DGKB: variants seen among roughly 807,000 people sequenced by gnomAD.
DGKB encodes diacylglycerol kinase beta, also known as 90 kDa diacylglycerol kinase.
A neutral mutation model predicts 114.3 loss-of-function variants in DGKB; 67 were observed. The ratio of observed to expected loss-of-function variants is 0.59; its 90% CI spans 0.48 to 0.72. DGKB has a LOEUF of 0.72. DGKB is among the 30% of genes least tolerant of loss of function. The pLI is 0.00. For missense variants in DGKB, 907 were observed against 975.2 expected, an observed-to-expected ratio of 0.93 and a Z score of 0.93; for synonymous variants, 398 against 323.1, an observed-to-expected ratio of 1.23 and a Z score of -2.49.
chr7:14,725,409 T>C (rs916166760), intron 5 of DGKB, among the ~76,000 whole-genome samples: 1 of 152,142 alleles, frequency 6.6e-6, no homozygotes, highest in African/African-American at 2.4e-5. Context: ...GGGACAAAAA[T>C]AATTAAACCA....
At chr7:14,250,477 T>C (rs1168056638) in intron 23 of DGKB, among the ~76,000 whole-genome samples, 4 of 152,220 alleles carry the variant, frequency 2.6e-5, no homozygotes, top group African/African-American at 9.6e-5. Flanking sequence ...CTTCCTGTTA[T>C]TGACTTCTAG....
intron 1 of DGKB, among the ~76,000 whole-genome samples, chr7:14,965,364 A>G (rs1319577968): frequency 6.6e-6 from 1 of 152,040 alleles, no homozygotes; most frequent in African/African-American, 2.4e-5. Flanking sequence ...CGAGGAGGGG[A>G]ATAGTTTTTA....
chr7:14,790,893 T>C (rs949568550), intron 2 of DGKB, among the ~76,000 whole-genome samples: 1 of 152,228 alleles, frequency 6.6e-6, no homozygotes, highest in Non-Finnish European at 1.5e-5. Context: ...TATATTATTT[T>C]AGGGAGAACT....
At chr7:14,225,086 T>C (rs984312504) in intron 23 of DGKB, among the ~76,000 whole-genome samples, 1 of 151,996 alleles carries the variant, frequency 6.6e-6, no homozygotes, top group African/African-American at 2.4e-5. Context: ...CTCCCCCCAA[T>C]TGCCTTTCAT....
chr7:14,593,549 T>C (rs1389917528), intron 17 of DGKB, among the ~76,000 whole-genome samples: 2 of 151,980 alleles, frequency 1.3e-5, no homozygotes, highest in African/African-American at 4.8e-5. Context: ...ATATTTATAA[T>C]TTTATTAGTA....
intron 23 of DGKB, among the ~76,000 whole-genome samples, chr7:14,285,874 T>A (rs1244008668): frequency 6.6e-6 from 1 of 152,104 alleles, no homozygotes; most frequent in African/African-American, 2.4e-5. Flanking sequence ...TAGGTTCAAA[T>A]ACTTAAATAT....
intron 20 of DGKB, among the ~76,000 whole-genome samples, chr7:14,529,651 A>C (rs1471588619): frequency 6.6e-6 from 1 of 151,800 alleles, no homozygotes; most frequent in Non-Finnish European, 1.5e-5. Flanking sequence ...CATCTAAAGA[A>C]ATGATAATGC....
intron 21 of DGKB, among the ~76,000 whole-genome samples, chr7:14,430,362 A>G (rs990282019): frequency 3.3e-5 from 5 of 152,196 alleles, no homozygotes; most frequent in African/African-American, 1.2e-4. Flanking sequence ...CATATCATTA[A>G]AATATTTCAC....
chr7:14,962,636 T>TTTGTGTGTG (rs1786920345), intron 1 of DGKB, among the ~76,000 whole-genome samples: 3 of 141,940 alleles, frequency 2.1e-5, no homozygotes, highest in African/African-American at 7.6e-5. Flanking sequence ...GTGTGTGTGT[T>TTTGTGTGTG]TGTGTGTGTG....
chr7:14,184,361 T>C (rs916672194), intron 23 of DGKB, among the ~76,000 whole-genome samples: 17 of 152,144 alleles, frequency 1.1e-4, no homozygotes, highest in African/African-American at 4.1e-4. Context: ...CCAAGACCTT[T>C]TCTTTCGCAG....
intron 23 of DGKB, among the ~76,000 whole-genome samples, chr7:14,302,334 CAT>C (rs775313620): frequency 1.3e-5 from 2 of 152,038 alleles, no homozygotes; most frequent in African/African-American, 2.4e-5. Flanking sequence ...GATGTGTACA[CAT>C]ATGATCACTT....
At chr7:14,823,111 G>A (rs1845178904) in intron 2 of DGKB, among the ~76,000 whole-genome samples, 2 of 151,670 alleles carry the variant, frequency 1.3e-5, no homozygotes, top group African/African-American at 4.8e-5. Context: ...ATCTTTGTAT[G>A]TTAAAAGAAA....
intron 1 of DGKB, among the ~76,000 whole-genome samples, chr7:14,943,556 T>C (rs191285840): frequency 3.9e-5 from 6 of 151,984 alleles, no homozygotes; most frequent in Non-Finnish European, 7.4e-5. Context: ...GGTTTTTAGA[T>C]GTTTTGATAA....
chr7:14,158,306 C>A (rs765615767), intron 25 of DGKB, among the ~76,000 whole-genome samples: 1 of 152,178 alleles, frequency 6.6e-6, no homozygotes, highest in Non-Finnish European at 1.5e-5. Context: ...CATATTATGG[C>A]CATCTGCCTT....
intron 9 of DGKB, among the ~76,000 whole-genome samples, chr7:14,691,954 A>G (rs6964476): frequency 6.6e-6 from 1 of 151,956 alleles, no homozygotes. Context: ...ACTATTAAAA[A>G]GTAAATTATG....
Position 14,613,400 on chromosome 7 carries a change from G to A in DGKB, c.1298C>T (p.Pro433Leu). Residue 433 changes from proline (P) to leucine (L), a missense_variant, in exon 16 of 26, where the codon CCT (proline) becomes CTT (leucine). Pro to Leu is a moderately conservative substitution (Grantham distance 98). Coordinates refer to ENST00000402815, the MANE Select transcript of DGKB (RefSeq NM_001350709.2). Reference protein sequence around the residue: ...DGQGLQVTPVPGTHPLLVFVN... With the variant: ...DGQGLQVTPVLGTHPLLVFVN... ...AAAAACTAAAAGTGGGTGAGTACCA[G>A]GCACAGGAGTGACCTATAAGAAAAG... The A allele has an allele frequency of 1.3e-6, 2 of 1,562,612 alleles. No homozygotes were observed. The highest frequency in any genetic ancestry group is 1.7e-6 in the Non-Finnish European group (2 of 1,150,460).
intron 17 of DGKB, among the ~76,000 whole-genome samples, chr7:14,587,424 T>C (rs978490995): frequency 7.9e-5 from 12 of 152,188 alleles, no homozygotes; most frequent in African/African-American, 2.6e-4. Context: ...TGGAATCTAC[T>C]CCTAGTAAAG....
At position 14,338,607 on chromosome 7, in the gene DGKB, T is replaced by G. The variant is rs1258318257; in HGVS notation, c.2030A>C (p.Lys677Thr). 1.9e-6 allele frequency: 3 copies of G among 1,611,088 alleles called. No homozygotes were observed. The highest frequency in any genetic ancestry group is 2.5e-6 in the Non-Finnish European group (3 of 1,178,272). Residue 677 changes from lysine (K) to threonine (T), a missense_variant, in exon 23 of 26, where the codon AAG becomes ACG. Transcript: ENST00000402815. Reference protein sequence around the residue: ...HGGSNLWGESKKRRSHRRIEK... With the variant: ...HGGSNLWGESTKRRSHRRIEK... ...TATTCGTCGATGGCTTCGTCTTTTCTTAGACTCTCCCCAAAGATTGGATCC... is the reference window on the plus strand; with the variant it reads ...TATTCGTCGATGGCTTCGTCTTTTCGTAGACTCTCCCCAAAGATTGGATCC...
chr7:14,747,393 T>C (rs1833458600), intron 4 of DGKB, among the ~76,000 whole-genome samples: 1 of 151,950 alleles, frequency 6.6e-6, no homozygotes, highest in Admixed American at 6.6e-5. Flanking sequence ...ACTCAGAGTT[T>C]TCAATTCATT....
Sources: gnomAD v4.1 joint callset for allele counts (sites outside exome capture counted in the v4.1 genomes callset) on GRCh38, gnomAD v4.1.1 for gene constraint, MANE v1.5 for transcripts, NCBI Gene and HGNC (gene_info 2026-07-23, HGNC 2026-07-21) for gene names.